ESX1: variants seen among roughly 807,000 people sequenced by gnomAD.
ESX1 encodes the protein ESX homeobox 1.
In ESX1, 2 loss-of-function variants were observed where a neutral mutation model predicts 13.2. That is an observed-to-expected ratio of 0.15 (90% CI 0.06 to 0.48). The LOEUF (loss-of-function observed/expected upper bound fraction) is 0.48. Ranked by LOEUF, ESX1 falls within the 20% of genes least tolerant of loss-of-function variation. The probability of loss-of-function intolerance (pLI) is 0.97; values close to 1 mark genes in which losing one functional copy is unlikely to be tolerated. For synonymous variants in ESX1, 157 were observed against 163.1 expected, an observed-to-expected ratio of 0.96 and a Z score of 0.29; for missense variants, 307 against 379.0, an observed-to-expected ratio of 0.81 and a Z score of 1.58.
Position 104,250,326 on chromosome X carries a change from G to GGCGCCATGGGCGGCCCGGGTGGCAC in ESX1, c.1122_1123insGTGCCACCCGGGCCGCCCATGGCGC (p.Leu375ValfsTer43), listed in dbSNP as rs1923126082. 5 of 1,146,313 alleles carry GGCGCCATGGGCGGCCCGGGTGGCAC rather than the reference G, an allele frequency of 4.4e-6. No homozygotes were observed. In the African/African-American group the frequency reaches 1.1e-4, roughly 26 times the overall value. The allele number at this position is 1,146,313 out of a possible 1,213,427, so 94.5% of individuals were successfully genotyped here. A position where few individuals can be genotyped will look rare whatever the true frequency, so the allele number is the denominator to read the frequency against. ...TGAGGCACATGTGACCTGGGTGGCAGAGGCGCCATGGGCGGCCCGGGTGGC... is the reference window on the plus strand; with the variant it reads ...TGAGGCACATGTGACCTGGGTGGCAGGCGCCATGGGCGGCCCGGGTGGCACAGGCGCCATGGGCGGCCCGGGTGGC... On this transcript the variant is annotated frameshift_variant, in exon 4 of 4. Transcript: ENST00000372588. LOFTEE classifies it low-confidence loss of function (END_TRUNC).
rs1446611096 is a variant in ESX1 at position 104,251,045 on chromosome X, T to G, written c.553-149A>C. 1.3e-5 allele frequency: 7 copies of G among 549,053 alleles called. No homozygotes were observed. The East Asian group carries it at 2.2e-4, about 17-fold the overall frequency. 45.2% of individuals were successfully genotyped at this position (549,053 alleles called of 1,213,427 possible). A position where few individuals can be genotyped will look rare whatever the true frequency, so the allele number is the denominator to read the frequency against. ...TTATTGCTGAAATATCTTAGAGGAG[T>G]GAGGGAGGGGCTCAGATGTGCTAGT... On this transcript the variant is annotated intron_variant, in intron 3 of 3. Coordinates refer to ENST00000372588, the MANE Select transcript of ESX1 (RefSeq NM_153448.4).
In ESX1 at chrX:104,254,141, G is replaced by T; in HGVS notation, c.506+13C>A. The T allele has an allele frequency of 8.4e-7, 1 of 1,187,567 alleles. No homozygotes were observed. The highest frequency in any genetic ancestry group is 1.1e-6 in the Non-Finnish European group (1 of 882,202). The stretch of plus-strand genomic sequence containing the variant: ...CCGGGATGAACTGGGCGCCTCCGGG[G>T]CAAGCCACTTACCGCGCCACAACGT... On this transcript the variant is annotated intron_variant, in intron 2 of 3. Coordinates refer to ENST00000372588, the MANE Select transcript of ESX1 (RefSeq NM_153448.4).
rs1923119625 is a variant in ESX1 at position 104,250,185 on chromosome X, T to C, written c.*43A>G. Reference sequence around the variant, plus strand: ...TGCTGTGCTGTGCACAATTTCTATCTGGCAGGAAAGAACTTTGGAAAAACT... The same window carrying C: ...TGCTGTGCTGTGCACAATTTCTATCCGGCAGGAAAGAACTTTGGAAAAACT... On this transcript the variant is annotated 3_prime_UTR_variant, in exon 4 of 4. Transcript: ENST00000372588. The C allele has an allele frequency of 8.4e-7, 1 of 1,188,169 alleles. No individual in the cohort carries two copies. The highest frequency in any genetic ancestry group is 1.8e-5 in the African/African-American group (1 of 57,018).
chrX:104,254,782 A>C lies in ESX1; in HGVS notation c.68T>G (p.Ile23Ser), dbSNP rs933175872. 2 of 1,209,698 alleles carry C rather than the reference A, an allele frequency of 1.7e-6. No homozygotes were observed. The highest frequency in any genetic ancestry group is 2.2e-6 in the Non-Finnish European group (2 of 893,622). ...GYRSLAVGED[I>S]EEVNDEKLTV... ...CAAGCACTAACCATTCACTTCCTCG[A>C]TGTCCTCGCCGACTGCCAGGCTGCG... Residue 23 changes from isoleucine to serine, a missense_variant, in exon 1 of 4, where the codon ATC (isoleucine) becomes AGC (serine). Ile to Ser is a moderately radical substitution (Grantham distance 142). Transcript: ENST00000372588.
At position 104,250,077 on chromosome X, in the gene ESX1, T is replaced by G. The variant is rs1265811556; in HGVS notation, c.*151A>C. 4.3e-6 allele frequency: 3 copies of G among 690,681 alleles called. No individual in the cohort carries two copies. The African/African-American group carries it at 6.8e-5, about 16-fold the overall frequency. 56.9% of individuals were successfully genotyped at this position (690,681 alleles called of 1,213,427 possible). ...ATCTTTATTGAAAATACTACAATTA[T>G]GTGGCCTACAAAAATAACAGGGCAT... On this transcript the variant is annotated 3_prime_UTR_variant, in exon 4 of 4. Coordinates refer to ENST00000372588, the MANE Select transcript of ESX1 (RefSeq NM_153448.4).
At position 104,254,904 on chromosome X, in the gene ESX1, C is replaced by T. The variant is rs868934830; in HGVS notation, c.-55G>A. The T allele has an allele frequency of 2.9e-6, 3 of 1,032,389 alleles. No homozygotes were observed. Among genetic ancestry groups the T allele is most frequent in the African/African-American group, 1.8e-5 (1 of 54,535 alleles). The allele number at this position is 1,032,389 out of a possible 1,213,427, so 85.1% of individuals were successfully genotyped here. A position where few individuals can be genotyped will look rare whatever the true frequency, so the allele number is the denominator to read the frequency against. On this transcript the variant is annotated 5_prime_UTR_variant, in exon 1 of 4. Coordinates refer to ENST00000372588, the MANE Select transcript of ESX1 (RefSeq NM_153448.4). The stretch of plus-strand genomic sequence containing the variant: ...CTTCTGCAGACTCTGTGCGTGGTTC[C>T]GCGGCGATCCCGGGGTTGGAACTGG...
Sources: gnomAD v4.1 joint callset for allele counts on GRCh38, gnomAD v4.1.1 for gene constraint, MANE v1.5 for transcripts, NCBI Gene and HGNC (gene_info 2026-07-23, HGNC 2026-07-21) for gene names.